The following SLIT2 variants were observed in gnomAD, a reference collection of about 807,000 sequenced individuals.
SLIT2 encodes the protein slit homolog 2 protein.
A neutral mutation model predicts 185.7 loss-of-function variants in SLIT2; 41 were observed. The ratio of observed to expected loss-of-function variants is 0.22; its 90% CI spans 0.17 to 0.29. The LOEUF (loss-of-function observed/expected upper bound fraction) is 0.29. SLIT2 is among the 10% of genes least tolerant of loss of function. The pLI is 1.00. For synonymous variants in SLIT2, 693 were observed against 680.2 expected (o/e 1.02, Z -0.29); for missense variants, 1,571 against 1,909.0 (o/e 0.82, Z 3.30).
At chr4:20,481,500 G>T (rs1160026672) in intron 6 of SLIT2, among the ~76,000 whole-genome samples, 2 of 152,052 alleles carry the variant, frequency 1.3e-5, no homozygotes, top group African/African-American at 4.8e-5. Context: ...AATTTTTTCA[G>T]CCAAAATTCA....
intron 26 of SLIT2, among the ~76,000 whole-genome samples, chr4:20,559,333 A>G (rs867341642): frequency 6.6e-6 from 1 of 151,940 alleles, no homozygotes; most frequent in Non-Finnish European, 1.5e-5. Flanking sequence ...GACATTCAAG[A>G]CTCAATCAAT....
chr4:20,433,535 C>A (rs889456861), intron 4 of SLIT2, among the ~76,000 whole-genome samples: 1 of 152,118 alleles, frequency 6.6e-6, no homozygotes, highest in African/African-American at 2.4e-5. Context: ...CACAATAAAA[C>A]GTCATGTTAT....
intron 4 of SLIT2, among the ~76,000 whole-genome samples, chr4:20,389,335 T>C (rs1725229075): frequency 6.6e-6 from 1 of 152,078 alleles, no homozygotes; most frequent in Non-Finnish European, 1.5e-5. Context: ...AATATTATTA[T>C]GAAAATAGTT....
intron 21 of SLIT2, among the ~76,000 whole-genome samples, chr4:20,542,828 GT>G (rs1321705471): frequency 5.6e-5 from 4 of 71,390 alleles, no homozygotes; most frequent in African/African-American, 2.9e-4. Context: ...GTGTGTGTGT[GT>G]GTGTGTGTGT....
intron 4 of SLIT2, among the ~76,000 whole-genome samples, chr4:20,309,835 C>T (rs1230364278): frequency 6.9e-6 from 1 of 144,970 alleles, no homozygotes; most frequent in Non-Finnish European, 1.5e-5. Flanking sequence ...TCTCGGCTCA[C>T]TGCAAGCTCC....
intron 29 of SLIT2, among the ~76,000 whole-genome samples, chr4:20,577,017 T>C (rs1726135561): frequency 1.3e-5 from 2 of 151,998 alleles, no homozygotes; most frequent in South Asian, 4.1e-4. Context: ...AGATGCTTAT[T>C]GAGAAAATAT....
rs376998119 is a variant in SLIT2, at chr4:20,538,053, G to A, written c.1833-1388G>A. Among the ~76,000 whole-genome samples, 1,082 of 152,228 alleles carry A rather than the reference G, an allele frequency of 7.1e-3. 11 individuals are homozygous for A. Among genetic ancestry groups the A allele is most frequent in the African/African-American group, 0.025 (1,020 of 41,540 alleles). ...CAGCTCACTGCAAGCTCCACCTCCC[G>A]GGTTCACGCCAGTCTCCTGCCTCAG... On this transcript the variant is annotated intron_variant, in intron 18 of 36. Coordinates refer to ENST00000504154, the MANE Select transcript of SLIT2 (RefSeq NM_004787.4).
chr4:20,387,472 A>T (rs1725023678), intron 4 of SLIT2, among the ~76,000 whole-genome samples: 1 of 152,160 alleles, frequency 6.6e-6, no homozygotes, highest in Non-Finnish European at 1.5e-5. Context: ...ACTCAAAAGA[A>T]GACAGCTAGA....
chr4:20,482,962 A>C (rs897865780), intron 6 of SLIT2, among the ~76,000 whole-genome samples: 1 of 151,944 alleles, frequency 6.6e-6, no homozygotes, highest in African/African-American at 2.4e-5. Context: ...ATACAACAAA[A>C]GTTTACCTAT....
chr4:20,501,141 T>A (rs1300476910), intron 9 of SLIT2, among the ~76,000 whole-genome samples: 1 of 152,184 alleles, frequency 6.6e-6, no homozygotes, highest in Non-Finnish European at 1.5e-5. Flanking sequence ...GGATTATATT[T>A]TCCCAAGTTT....
intron 4 of SLIT2, among the ~76,000 whole-genome samples, chr4:20,419,894 C>A (rs1728033687): frequency 1.3e-5 from 2 of 151,990 alleles, no homozygotes; most frequent in South Asian, 2.1e-4. Flanking sequence ...TTTCCTTGCG[C>A]CTATGTCTAC....
intron 4 of SLIT2, among the ~76,000 whole-genome samples, chr4:20,365,224 C>T (rs149280338): frequency 2.6e-4 from 39 of 152,208 alleles, no homozygotes; most frequent in African/African-American, 8.9e-4. Flanking sequence ...CTAACATTCC[C>T]GTATCAGTTA....
In SLIT2 at chr4:20,598,335, A is replaced by G. The variant is rs764943868; in HGVS notation, c.3632A>G (p.Tyr1211Cys). ...GDKDHIAVELYRGRVRASYDT... is the reference protein window; with the variant it reads ...GDKDHIAVELCRGRVRASYDT... Reference sequence around the variant, plus strand: ...AAAGACCATATCGCGGTAGAACTCTATCGGGGGCGTGTTCGTGCCAGCTAT... The same window carrying G: ...AAAGACCATATCGCGGTAGAACTCTGTCGGGGGCGTGTTCGTGCCAGCTAT... The change falls in exon 33 of 37, where the codon TAT (tyrosine) becomes TGT (cysteine). Residue 1211 changes from tyrosine to cysteine, a missense_variant. By Grantham distance (194) the Tyr-to-Cys change is radical. Transcript: ENST00000504154. 5.3e-5 allele frequency: 85 copies of G among 1,613,944 alleles called. 1 individual carries two copies. The highest frequency in any genetic ancestry group is 4.9e-4 in the Middle Eastern group (3 of 6,084).
At chr4:20,546,187 G>A (rs1392386222) in intron 22 of SLIT2, 88 bp downstream of exon 22, 2 of 678,762 alleles carry the variant, frequency 2.9e-6, no homozygotes, top group Non-Finnish European at 5.1e-6. Context: ...GAACCTTCCA[G>A]ATAATACAAA....
chr4:20,287,258 C>T (rs1034396447), intron 4 of SLIT2, among the ~76,000 whole-genome samples: 3 of 152,158 alleles, frequency 2.0e-5, no homozygotes, highest in Non-Finnish European at 4.4e-5. Flanking sequence ...AACTAGATCC[C>T]GCTTTCTCTG....
chr4:20,437,126 T>C (rs1036984973), intron 4 of SLIT2, among the ~76,000 whole-genome samples: 4 of 152,202 alleles, frequency 2.6e-5, no homozygotes, highest in Admixed American at 6.5e-5. Flanking sequence ...CCCAAATTTA[T>C]CTTTAGTCAG....
intron 30 of SLIT2, among the ~76,000 whole-genome samples, chr4:20,594,773 A>G (rs1727841959): frequency 1.3e-5 from 2 of 152,186 alleles, no homozygotes; most frequent in South Asian, 4.1e-4. Flanking sequence ...TAGAAATACA[A>G]GCTTTCTTGT....
intron 4 of SLIT2, among the ~76,000 whole-genome samples, chr4:20,352,299 CT>C (rs143588094): frequency 0.054 from 8,152 of 151,086 alleles, 462 homozygotes; most frequent in African/African-American, 0.14. Context: ...CTCTTCTCAC[CT>C]TTTTTTTTAT....
chr4:20,418,283 G>A lies in SLIT2; in HGVS notation c.396-49469G>A, dbSNP rs142783937. On this transcript the variant is annotated intron_variant, in intron 4 of 36. Transcript: ENST00000504154. ...AAATGGTCTATGAAAGTCCTGGGTG[G>A]TGATGGGACTAGAGACAAGGATTCA... Among the ~76,000 whole-genome samples, 5 of 152,308 alleles carry A rather than the reference G, an allele frequency of 3.3e-5. No individual in the cohort carries two copies. The East Asian group carries it at 9.6e-4, about 29-fold the overall frequency.
Sources: gnomAD v4.1 joint callset for allele counts (sites outside exome capture counted in the v4.1 genomes callset) on GRCh38, gnomAD v4.1.1 for gene constraint, MANE v1.5 for transcripts, NCBI Gene and HGNC (gene_info 2026-07-23, HGNC 2026-07-21) for gene names.